PPM1L: variants seen among roughly 807,000 people sequenced by gnomAD.
The protein encoded by PPM1L is protein phosphatase 1L.
A neutral mutation model predicts 31.4 loss-of-function variants in PPM1L; 13 were observed. The observed-to-expected ratio is 0.41, with a 90% CI of 0.27 to 0.66. PPM1L has a LOEUF of 0.66. Ranked by LOEUF, PPM1L falls within the 30% of genes least tolerant of loss-of-function variation. The pLI is 0.29. For missense variants in PPM1L, 326 were observed against 453.7 expected, an observed-to-expected ratio of 0.72 and a Z score of 2.56; for synonymous variants, 184 against 175.4, an observed-to-expected ratio of 1.05 and a Z score of -0.39.
chr3:160,767,406 T>C (rs1715132411), intron 1 of PPM1L, among the ~76,000 whole-genome samples: 1 of 151,986 alleles, frequency 6.6e-6, no homozygotes, highest in Admixed American at 6.5e-5. Flanking sequence ...GCTAATTTTT[T>C]GTATTTTTGG....
At position 160,770,924 on chromosome 3, in the gene PPM1L, C is replaced by A. The variant is rs1010428374; in HGVS notation, c.399+14217C>A. 2.0e-5 allele frequency among the ~76,000 whole-genome samples: 3 copies of A among 152,072 alleles called. No individual in the cohort carries two copies. In the South Asian group the frequency reaches 6.2e-4, roughly 32 times the overall value. On this transcript the variant is annotated intron_variant, in intron 1 of 3. Transcript: ENST00000498165. ...AGTCTCATACTGAGTGAGGTTAGGT[C>A]CTGAGTTGGTATAAGAGACAAAGTC...
chr3:161,043,753 T>G (rs1469512295), intron 2 of PPM1L, among the ~76,000 whole-genome samples: 3 of 152,208 alleles, frequency 2.0e-5, no homozygotes, highest in Non-Finnish European at 4.4e-5. Context: ...GACTCTCCAG[T>G]TCTCTCTCTG....
At chr3:160,844,137 A>G (rs1713997527) in intron 1 of PPM1L, among the ~76,000 whole-genome samples, 2 of 152,198 alleles carry the variant, frequency 1.3e-5, no homozygotes, top group Admixed American at 1.3e-4. Context: ...GGTGATCTGA[A>G]TGTATTACTG....
intron 1 of PPM1L, among the ~76,000 whole-genome samples, chr3:160,831,296 T>C (rs1713519562): frequency 6.6e-6 from 1 of 152,138 alleles, no homozygotes; most frequent in Non-Finnish European, 1.5e-5. Flanking sequence ...CAAAAAGAAA[T>C]TAGTGATGAG....
intron 1 of PPM1L, among the ~76,000 whole-genome samples, chr3:160,949,541 AT>A (rs1296939830): frequency 1.1e-4 from 16 of 152,260 alleles, no homozygotes; most frequent in Non-Finnish European, 7.4e-5. Context: ...AGGAAGAAAC[AT>A]TGTGGGCACG....
At chr3:160,895,750 A>G (rs1208139164) in intron 1 of PPM1L, among the ~76,000 whole-genome samples, 1 of 152,210 alleles carries the variant, frequency 6.6e-6, no homozygotes. Context: ...GTTGGTGAAT[A>G]AAAAGGTGAT....
chr3:160,910,404 C>G (rs1320885138), intron 1 of PPM1L, among the ~76,000 whole-genome samples: 1 of 151,670 alleles, frequency 6.6e-6, no homozygotes, highest in Non-Finnish European at 1.5e-5. Flanking sequence ...CCTCCGCCTC[C>G]CAGGTTCCGG....
Position 161,014,712 on chromosome 3 carries a change from C to T in PPM1L, c.575-50691C>T, listed in dbSNP as rs183691694. ...GTCTCAAACTCCTGACCTCATGATC[C>T]GCCTGTCTGGACCTCCCAAAGTGAT... On this transcript the variant is annotated intron_variant, in intron 2 of 3. Coordinates refer to ENST00000498165, the MANE Select transcript of PPM1L (RefSeq NM_139245.4). Among the ~76,000 whole-genome samples, 7 of 152,190 alleles carry T rather than the reference C, an allele frequency of 4.6e-5. No homozygotes were observed. In the East Asian group the frequency reaches 9.7e-4, roughly 21 times the overall value.
At chr3:160,763,520 C>G (rs1042875112) in intron 1 of PPM1L, among the ~76,000 whole-genome samples, 1 of 152,052 alleles carries the variant, frequency 6.6e-6, no homozygotes, top group Non-Finnish European at 1.5e-5. Flanking sequence ...AAAAATATAC[C>G]AGCATGCTAG....
At chr3:160,981,822 G>T (rs1559912792) in intron 2 of PPM1L, among the ~76,000 whole-genome samples, 2 of 151,402 alleles carry the variant, frequency 1.3e-5, no homozygotes, top group Admixed American at 6.6e-5. Context: ...GAGTACAATG[G>T]CAGGATCTCA....
chr3:160,965,199 C>T (rs1369139718), intron 2 of PPM1L, among the ~76,000 whole-genome samples: 2 of 151,034 alleles, frequency 1.3e-5, no homozygotes, highest in African/African-American at 2.4e-5. Context: ...TGCAGTGAGC[C>T]GAGATCGCGC....
At chr3:160,992,878 C>T (rs755196829) in intron 2 of PPM1L, among the ~76,000 whole-genome samples, 2 of 152,124 alleles carry the variant, frequency 1.3e-5, no homozygotes, top group Non-Finnish European at 2.9e-5. Context: ...GGTGGGCATG[C>T]ACCATGGACC....
intron 1 of PPM1L, among the ~76,000 whole-genome samples, chr3:160,940,571 C>T (rs1006758175): frequency 1.6e-4 from 24 of 152,270 alleles, no homozygotes; most frequent in African/African-American, 4.8e-4. Context: ...GCTGTGGCTT[C>T]GGAGGGTGGA....
intron 1 of PPM1L, among the ~76,000 whole-genome samples, chr3:160,806,818 AAAAAG>A (rs887869767): frequency 1.3e-5 from 2 of 151,610 alleles, no homozygotes; most frequent in East Asian, 1.9e-4. Context: ...AAAGAGAAAG[AAAAAG>A]AAAAGAAAGA....
At chr3:160,880,439 G>T (rs924146162) in intron 1 of PPM1L, among the ~76,000 whole-genome samples, 1 of 152,046 alleles carries the variant, frequency 6.6e-6, no homozygotes, top group Non-Finnish European at 1.5e-5. Flanking sequence ...TGCTGATTGA[G>T]TATATATATA....
chr3:161,014,006 C>A (rs371291681), intron 2 of PPM1L, among the ~76,000 whole-genome samples: 1 of 152,126 alleles, frequency 6.6e-6, no homozygotes, highest in Admixed American at 6.5e-5. Flanking sequence ...TTAATTGGAG[C>A]ATTTAGCCCA....
chr3:160,781,177 A>C (rs568663890), intron 1 of PPM1L, among the ~76,000 whole-genome samples: 7 of 152,318 alleles, frequency 4.6e-5, no homozygotes, highest in Middle Eastern at 6.8e-3. Context: ...TGTGGTCACT[A>C]TCCCTTATTT....
At chr3:161,003,881 A>G (rs1717597785) in intron 2 of PPM1L, among the ~76,000 whole-genome samples, 1 of 150,686 alleles carries the variant, frequency 6.6e-6, no homozygotes, top group South Asian at 2.1e-4. Context: ...ACTATGTTGA[A>G]TAGGAGTGGT....
intron 2 of PPM1L, among the ~76,000 whole-genome samples, chr3:161,049,477 C>T (rs1356715506): frequency 6.6e-6 from 1 of 152,132 alleles, no homozygotes; most frequent in East Asian, 1.9e-4. Flanking sequence ...AAACTAACTG[C>T]CTCCTTGCCA....
Sources: allele counts gnomAD v4.1 joint callset (sites outside exome capture counted in the v4.1 genomes callset), GRCh38; gene constraint gnomAD v4.1.1; transcripts MANE v1.5; gene names NCBI Gene and HGNC (gene_info 2026-07-23, HGNC 2026-07-21).